Variants in UNC13C observed in about 807,000 individuals in gnomAD.
UNC13C encodes unc-13 homolog C.
Under a neutral mutation model 245.4 loss-of-function variants are expected in UNC13C, and 174 were observed. The ratio of observed to expected loss-of-function variants is 0.71; its 90% CI spans 0.63 to 0.80. The LOEUF (loss-of-function observed/expected upper bound fraction) is 0.80, where lower values mean the gene tolerates loss of function less well. Ranked by LOEUF, UNC13C falls within the 30% of genes least tolerant of loss-of-function variation. The probability of loss-of-function intolerance (pLI) is 0.00; values close to 1 mark genes in which losing one functional copy is unlikely to be tolerated. For synonymous variants in UNC13C, 992 were observed against 895.1 expected, an observed-to-expected ratio of 1.11 and a Z score of -1.93; for missense variants, 2,829 against 2,602.9, an observed-to-expected ratio of 1.09 and a Z score of -1.89.
intron 19 of UNC13C, among the ~76,000 whole-genome samples, chr15:54,453,603 G>T (rs529611196): frequency 6.6e-6 from 1 of 152,026 alleles, no homozygotes; most frequent in African/African-American, 2.4e-5. Flanking sequence ...TCCTCATTTT[G>T]TTTACATCTT....
At chr15:53,942,709 G>A in the UNC13C span, among the ~76,000 whole-genome samples, 1 of 152,132 alleles carries the variant, frequency 6.6e-6, no homozygotes, top group East Asian at 1.9e-4. Flanking sequence ...TGTCACCCAG[G>A]CTGGAGTGCA....
At chr15:54,200,531 G>A (rs1031669848) in intron 4 of UNC13C, among the ~76,000 whole-genome samples, 2 of 151,810 alleles carry the variant, frequency 1.3e-5, no homozygotes, top group South Asian at 4.2e-4. Flanking sequence ...CCTCAAAACC[G>A]TGCAAATACG....
the UNC13C span, among the ~76,000 whole-genome samples, chr15:53,874,316 C>G: frequency 1.3e-5 from 2 of 152,058 alleles, no homozygotes; most frequent in Non-Finnish European, 1.5e-5. Flanking sequence ...ATGCAATGTG[C>G]ATAATTAGTA....
intron 30 of UNC13C, among the ~76,000 whole-genome samples, chr15:54,597,306 G>A (rs897316848): frequency 6.6e-6 from 1 of 152,184 alleles, no homozygotes; most frequent in Non-Finnish European, 1.5e-5. Context: ...AGGAAGGTAA[G>A]AGCCAAGGGC....
At chr15:54,616,974 C>A (rs574519136) in intron 30 of UNC13C, among the ~76,000 whole-genome samples, 58 of 152,026 alleles carry the variant, frequency 3.8e-4, no homozygotes, top group Non-Finnish European at 7.4e-4. Flanking sequence ...GTTACAACTG[C>A]TTACACTATT....
chr15:54,195,609 A>G (rs566757571), intron 4 of UNC13C, among the ~76,000 whole-genome samples: 1 of 152,030 alleles, frequency 6.6e-6, no homozygotes, highest in African/African-American at 2.4e-5. Flanking sequence ...CGCTTTATAT[A>G]ACCTAAACTT....
chr15:54,187,678 A>G (rs962727011), intron 4 of UNC13C, among the ~76,000 whole-genome samples: 1 of 152,112 alleles, frequency 6.6e-6, no homozygotes, highest in Non-Finnish European at 1.5e-5. Context: ...TTCTATAAAA[A>G]TTTCTTCTGG....
chr15:54,509,587 G>A (rs1419966945), intron 23 of UNC13C, among the ~76,000 whole-genome samples: 2 of 152,026 alleles, frequency 1.3e-5, no homozygotes, highest in African/African-American at 4.8e-5. Flanking sequence ...ATAAAAATAG[G>A]AAGATATAAA....
chr15:53,849,178 G>A, the UNC13C span, among the ~76,000 whole-genome samples: 1 of 151,816 alleles, frequency 6.6e-6, no homozygotes, highest in East Asian at 1.9e-4. Flanking sequence ...TCTGCCTTTT[G>A]ATGCATTTTG....
At chr15:54,448,973 A>G (rs890977105) in intron 19 of UNC13C, among the ~76,000 whole-genome samples, 47 of 152,236 alleles carry the variant, frequency 3.1e-4, no homozygotes, top group Admixed American at 2.9e-3. Context: ...AGGCCTGGTG[A>G]TGACAAAATC....
chr15:53,947,947 GC>G, the UNC13C span: 1 of 152,342 alleles, frequency 6.6e-6, no homozygotes, highest in African/African-American at 2.4e-5. Flanking sequence ...GAAACTGGCA[GC>G]CAATACCTTC....
At chr15:54,325,634 C>G (rs899449738) in intron 14 of UNC13C, among the ~76,000 whole-genome samples, 1 of 151,934 alleles carries the variant, frequency 6.6e-6, no homozygotes, top group African/African-American at 2.4e-5. Flanking sequence ...TTGTTCACCT[C>G]CCACTCGTGA....
At chr15:54,247,258 C>A in intron 7 of UNC13C, among the ~76,000 whole-genome samples, 1 of 152,090 alleles carries the variant, frequency 6.6e-6, no homozygotes, top group Non-Finnish European at 1.5e-5. Flanking sequence ...CTTATTTTCC[C>A]CTGCCATGCT....
chr15:54,095,650 T>C (rs1033492032), intron 2 of UNC13C, among the ~76,000 whole-genome samples: 9 of 152,194 alleles, frequency 5.9e-5, no homozygotes, highest in East Asian at 1.9e-4. Flanking sequence ...TTTTACCTGG[T>C]GCCCAGGCGA....
rs187781822 is a variant in UNC13C, at chr15:54,013,596, T to C, written c.693T>C (p.Ser231=). ...PKTNALEPGF[S]SSGCISQTHD... is the part of the protein sequence containing the mutation. ...CAAATGCCCTGGAGCCAGGGTTCAG[T>C]TCCTCTGGCTGCATTAGCCAAACAC... is the stretch of plus-strand genomic sequence containing the variant. Residue 231 remains serine, a synonymous_variant, in exon 2 of 33, where the codon AGT becomes AGC. Transcript: ENST00000260323. The C allele has an allele frequency of 1.0e-4, 164 of 1,613,630 alleles. No individual in the cohort carries two copies. The highest frequency in any genetic ancestry group is 9.9e-4 in the Middle Eastern group (6 of 6,056).
chr15:54,103,659 A>G (rs1250276753), intron 2 of UNC13C, among the ~76,000 whole-genome samples: 1 of 151,298 alleles, frequency 6.6e-6, no homozygotes, highest in Non-Finnish European at 1.5e-5. Flanking sequence ...CCCTGTCATT[A>G]TTTTTTTTTC....
the UNC13C span, among the ~76,000 whole-genome samples, chr15:53,923,613 A>G: frequency 6.6e-6 from 1 of 152,180 alleles, no homozygotes; most frequent in Non-Finnish European, 1.5e-5. Flanking sequence ...CAGAGCTCAC[A>G]TTGTTTTCTG....
chr15:54,287,323 A>G (rs749589805), intron 10 of UNC13C, among the ~76,000 whole-genome samples: 2 of 152,232 alleles, frequency 1.3e-5, no homozygotes, highest in East Asian at 1.9e-4. Flanking sequence ...TTAAATAGCT[A>G]AGGAATACCA....
At chr15:54,266,366 C>T (rs368462800) in intron 10 of UNC13C, among the ~76,000 whole-genome samples, 1 of 151,952 alleles carries the variant, frequency 6.6e-6, no homozygotes, top group Non-Finnish European at 1.5e-5. Flanking sequence ...GAGGATTTCT[C>T]CCTTCAGAGT....
Sources: allele counts gnomAD v4.1 joint callset (sites outside exome capture counted in the v4.1 genomes callset), GRCh38; gene constraint gnomAD v4.1.1; transcripts MANE v1.5; gene names NCBI Gene and HGNC (gene_info 2026-07-23, HGNC 2026-07-21).